The following DNTTIP1 variants were observed in gnomAD, a reference collection of about 807,000 sequenced individuals.
The protein encoded by DNTTIP1 is deoxynucleotidyltransferase terminal interacting protein 1.
DNTTIP1 carries 22 observed loss-of-function variants against 52.9 expected under a neutral mutation model. The ratio of observed to expected loss-of-function variants is 0.42; its 90% CI spans 0.30 to 0.59. The LOEUF (loss-of-function observed/expected upper bound fraction) is 0.59. Among genes scored for constraint, DNTTIP1 ranks in the 20% least tolerant of loss-of-function variants. The pLI is 0.22. For missense variants in DNTTIP1, 286 were observed against 435.5 expected, an observed-to-expected ratio of 0.66 and a Z score of 3.06; for synonymous variants, 136 against 155.1, an observed-to-expected ratio of 0.88 and a Z score of 0.92.
intron 7 of DNTTIP1, 30 bp from the exon 8 acceptor site, chr20:45,803,303 A>T (rs1187071232): frequency 3.7e-6 from 6 of 1,613,414 alleles, no homozygotes; most frequent in Non-Finnish European, 4.2e-6. Flanking sequence ...CACCTTGGAG[A>T]ATTCACCTTT....
At chr20:45,807,625 C>T (rs977455612) in intron 10 of DNTTIP1, among the ~76,000 whole-genome samples, 5 of 152,030 alleles carry the variant, frequency 3.3e-5, no homozygotes, top group African/African-American at 1.2e-4. Flanking sequence ...AAGATTCAGA[C>T]GATACACAGG....
At chr20:45,793,796 T>G (rs1981133700) in intron 2 of DNTTIP1, 125 bp from the exon 3 acceptor site, 1 of 500,224 alleles carries the variant, frequency 2.0e-6, no homozygotes, top group South Asian at 4.1e-5. Context: ...TCTGAGCATG[T>G]AGCTAGTTTT....
At chr20:45,800,353 G>A (rs996594330) in intron 4 of DNTTIP1, among the ~76,000 whole-genome samples, 12 of 151,904 alleles carry the variant, frequency 7.9e-5, no homozygotes, top group Admixed American at 5.3e-4. Context: ...TTTAAAAATA[G>A]ATATCTATTT....
chr20:45,810,776 C>T (rs1354900526), intron 11 of DNTTIP1, 109 bp from the exon 12 acceptor site: 6 of 997,086 alleles, frequency 6.0e-6, no homozygotes, highest in South Asian at 4.3e-5. Context: ...CCGCATCCCC[C>T]GCTTCCACCT....
At position 45,802,154 on chromosome 20, in the gene DNTTIP1, C is replaced by A. The variant is rs1981496277; in HGVS notation, c.557+97C>A. 2.3e-6 allele frequency: 3 copies of A among 1,318,768 alleles called. No homozygotes were observed. In the South Asian group the frequency reaches 3.5e-5, roughly 16 times the overall value. 81.7% of individuals were successfully genotyped at this position (1,318,768 alleles called of 1,614,324 possible). On this transcript the variant is annotated intron_variant, in intron 7 of 12. Transcript: ENST00000372622. ...TCCAGGGTTCTGTGCCTGTCAAAAT[C>A]AGATCCATCAGCTTAAGTCATCGTG...
At chr20:45,795,242 C>A in intron 3 of DNTTIP1, 103 bp from the exon 4 acceptor site, 1 of 642,330 alleles carries the variant, frequency 1.6e-6, no homozygotes, top group Non-Finnish European at 2.7e-6. Context: ...TCACTTTTCC[C>A]TTCTGTATGA....
chr20:45,806,088 G>A (rs1309269997), intron 10 of DNTTIP1, among the ~76,000 whole-genome samples: 2 of 150,754 alleles, frequency 1.3e-5, no homozygotes, highest in African/African-American at 4.9e-5. Context: ...TGGCACAGTG[G>A]CTCACGCCTG....
At chr20:45,805,238 A>G (rs1423071853) in intron 9 of DNTTIP1, 34 bp downstream of exon 9, 2 of 1,614,000 alleles carry the variant, frequency 1.2e-6, no homozygotes, top group East Asian at 2.2e-5. Flanking sequence ...GATTGAGGAA[A>G]CAGCTCAGGA....
intron 10 of DNTTIP1, among the ~76,000 whole-genome samples, chr20:45,808,657 A>ATCAATCAATCT (rs1981727535): frequency 6.6e-6 from 1 of 152,172 alleles, no homozygotes; most frequent in South Asian, 2.1e-4. Context: ...TCAATCAATC[A>ATCAATCAATCT]ATCAATCAAT....
chr20:45,807,595 A>G (rs975860328), intron 10 of DNTTIP1, among the ~76,000 whole-genome samples: 3 of 152,332 alleles, frequency 2.0e-5, no homozygotes, highest in South Asian at 2.1e-4. Context: ...AATAATATAT[A>G]AACCCATTCC....
rs1981497000 is a variant in DNTTIP1, at chr20:45,802,176, C to T, written c.557+119C>T. ...AATCAGATCCATCAGCTTAAGTCAT[C>T]GTGGAGGGGGGTTATCCTGGTTGGA... On this transcript the variant is annotated intron_variant, in intron 7 of 12. Coordinates refer to ENST00000372622, the MANE Select transcript of DNTTIP1 (RefSeq NM_052951.3). The T allele has an allele frequency of 4.6e-6, 5 of 1,097,888 alleles. No individual in the cohort carries two copies. In the South Asian group the frequency reaches 6.3e-5, roughly 14 times the overall value. The allele number at this position is 1,097,888 out of a possible 1,614,324, so 68.0% of individuals were successfully genotyped here. A position where few individuals can be genotyped will look rare whatever the true frequency, so the allele number is the denominator to read the frequency against.
At chr20:45,792,631 C>G in intron 1 of DNTTIP1, 46 bp from the exon 2 acceptor site, 1 of 1,497,576 alleles carries the variant, frequency 6.7e-7, no homozygotes, top group African/African-American at 1.4e-5. Context: ...CCACCCCACC[C>G]CAGTGTCACA....
intron 4 of DNTTIP1, among the ~76,000 whole-genome samples, chr20:45,798,071 T>TGG (rs1981300809): frequency 2.0e-5 from 3 of 152,124 alleles, no homozygotes; most frequent in Admixed American, 2.0e-4. Flanking sequence ...AGCAAAGACT[T>TGG]GGAACCAACC....
In DNTTIP1 at chr20:45,791,990, G is replaced by C. The variant is rs746449726; in HGVS notation, c.-15G>C. The C allele has an allele frequency of 4.8e-6, 6 of 1,246,840 alleles. No individual in the cohort carries two copies. The highest frequency in any genetic ancestry group is 7.4e-5 in the Admixed American group (2 of 27,026). 77.2% of individuals were successfully genotyped at this position (1,246,840 alleles called of 1,614,324 possible). A position where few individuals can be genotyped will look rare whatever the true frequency, so the allele number is the denominator to read the frequency against. On this transcript the variant is annotated 5_prime_UTR_variant, in exon 1 of 13. Transcript: ENST00000372622. The stretch of plus-strand genomic sequence containing the variant: ...GGTGACAGAGTCCAGCGGAGTTGTG[G>C]GGGCCGGGGGCGCCATGGGAGCCAC...
rs144859982 is a variant in DNTTIP1 at position 45,800,679 on chromosome 20, T to TA, written c.373-379dup. On this transcript the variant is annotated intron_variant, in intron 4 of 12. Transcript: ENST00000372622. ...ACAAGAGTGAAACTCCATCTCAATT[T>TA]AAAAAAAAAAAAAAAATATATATAT... Among the ~76,000 whole-genome samples the TA allele has an allele frequency of 6.3e-3, 93 of 14,686 alleles. 2 individuals carry two copies. The highest frequency in any genetic ancestry group is 0.011 in the East Asian group (4 of 362). 9.6% of individuals were successfully genotyped at this position (14,686 alleles called of 152,430 possible). A position where few individuals can be genotyped will look rare whatever the true frequency, so the allele number is the denominator to read the frequency against.
rs1601028840 is a variant in DNTTIP1, at chr20:45,801,252, G to A, written c.441+110G>A. ...CCATGTACTTCCATTTGTAGGACCA[G>A]GCCCACACAGCATCATGCTGGATGG... On this transcript the variant is annotated intron_variant, in intron 5 of 12. Transcript: ENST00000372622. 6.5e-6 allele frequency: 9 copies of A among 1,381,952 alleles called. No individual in the cohort carries two copies. In the East Asian group the frequency reaches 2.1e-4, roughly 32 times the overall value. 85.6% of individuals were successfully genotyped at this position (1,381,952 alleles called of 1,614,324 possible). A position where few individuals can be genotyped will look rare whatever the true frequency, so the allele number is the denominator to read the frequency against.
intron 10 of DNTTIP1, 129 bp from the exon 11 acceptor site, chr20:45,808,985 C>CT: frequency 1.3e-6 from 1 of 772,214 alleles, no homozygotes; most frequent in Non-Finnish European, 2.2e-6. Context: ...AGTGAGCCCT[C>CT]TAAGTCCACC....
rs1981073409 is a variant in DNTTIP1, at chr20:45,792,721, G to A, written c.150G>A (p.Arg50=). The A allele has an allele frequency of 1.2e-6, 2 of 1,612,580 alleles. No individual in the cohort carries two copies. The highest frequency in any genetic ancestry group is 2.7e-5 in the African/African-American group (2 of 74,854). Residue 50 remains arginine, a synonymous_variant, in exon 2 of 13, where the codon AGG becomes AGA. Transcript: ENST00000372622. Reference sequence around the variant, plus strand: ...TAAAGCACCGGCAGGTGCAGCGGAGGGGCCGCCGCTCACAGATGACAACAA... The same window carrying A: ...TAAAGCACCGGCAGGTGCAGCGGAGAGGCCGCCGCTCACAGATGACAACAA... The part of the protein sequence containing the change: ...IMIKHRQVQR[R]GRRSQMTTSF...
chr20:45,803,296 C>CTTGGAGAA (rs751856491), intron 7 of DNTTIP1, 37 bp from the exon 8 acceptor site: 166 of 1,612,314 alleles, frequency 1.0e-4, no homozygotes, highest in Non-Finnish European at 1.4e-4. Context: ...TAGGTCTCAC[C>CTTGGAGAA]TTGGAGAATT....
Sources: allele counts gnomAD v4.1 joint callset (sites outside exome capture counted in the v4.1 genomes callset), GRCh38; gene constraint gnomAD v4.1.1; transcripts MANE v1.5; gene names NCBI Gene and HGNC (gene_info 2026-07-23, HGNC 2026-07-21).